The following AFDN variants were observed in gnomAD, a reference collection of about 807,000 sequenced individuals.
AFDN encodes the protein afadin.
Under a neutral mutation model 216.6 loss-of-function variants are expected in AFDN, and 68 were observed. The observed-to-expected ratio is 0.31, with a 90% confidence interval of 0.26 to 0.38. The LOEUF is 0.38. Among genes scored for constraint, AFDN ranks in the 10% least tolerant of loss-of-function variants. The probability of loss-of-function intolerance (pLI) is 1.00; values close to 1 mark genes in which losing one functional copy is unlikely to be tolerated. For missense variants in AFDN, 2,136 were observed against 2,342.0 expected, an observed-to-expected ratio of 0.91 and a Z score of 1.82; for synonymous variants, 868 against 853.7, an observed-to-expected ratio of 1.02 and a Z score of -0.29.
At position 167,969,975 on chromosome 6, in the gene AFDN, T is replaced by C. The variant is rs1032093334; in HGVS notation, c.*40T>C. ...AACACTTTGTATTTACCCCAAAATC[T>C]TTTCAGTTGTGGGTTTGTAGGTGCG... On this transcript the variant is annotated 3_prime_UTR_variant, in exon 34 of 34. Coordinates refer to ENST00000683244, the MANE Select transcript of AFDN (RefSeq NM_001386888.1). 2 of 1,551,176 alleles carry C rather than the reference T, an allele frequency of 1.3e-6. No individual in the cohort carries two copies. The highest frequency in any genetic ancestry group is 2.8e-5 in the African/African-American group (2 of 71,450).
intron 15 of AFDN, among the ~76,000 whole-genome samples, chr6:167,912,728 C>T (rs1790561139): frequency 6.6e-6 from 1 of 152,130 alleles, no homozygotes; most frequent in Non-Finnish European, 1.5e-5. Context: ...ATAGCCTTTT[C>T]CTTATTGATG....
intron 30 of AFDN, among the ~76,000 whole-genome samples, chr6:167,955,674 T>A: frequency 6.6e-6 from 1 of 152,204 alleles, no homozygotes. Context: ...ATGCTTGCAA[T>A]AAGGTTTTTG....
upstream of AFDN, chr6:167,826,600 C>A: frequency 1.9e-6 from 1 of 523,176 alleles, no homozygotes; most frequent in Non-Finnish European, 3.9e-6. Context: ...CACAGCACCA[C>A]CCATCGGACC....
At chr6:167,887,705 G>A (rs1787043174) in intron 6 of AFDN, among the ~76,000 whole-genome samples, 1 of 152,162 alleles carries the variant, frequency 6.6e-6, no homozygotes, top group African/African-American at 2.4e-5. Context: ...CAGTCCACCT[G>A]CCTTGGCCTC....
At chr6:167,963,789 T>C (rs1461012176) in intron 31 of AFDN, 2 of 1,062,248 alleles carry the variant, frequency 1.9e-6, no homozygotes, top group Admixed American at 5.4e-5. Flanking sequence ...TAAGTCAACA[T>C]TGATGATCTT....
intron 5 of AFDN, among the ~76,000 whole-genome samples, chr6:167,877,288 A>G (rs1277499253): frequency 2.0e-5 from 3 of 152,192 alleles, no homozygotes; most frequent in Non-Finnish European, 2.9e-5. Context: ...TGTTTGTCAC[A>G]TAAAGTGCTG....
At chr6:167,846,834 A>C (rs765781090) in intron 1 of AFDN, among the ~76,000 whole-genome samples, 2 of 151,922 alleles carry the variant, frequency 1.3e-5, no homozygotes, top group African/African-American at 2.4e-5. Flanking sequence ...TCATAATTAA[A>C]ACTCTGAGTT....
intron 1 of AFDN, among the ~76,000 whole-genome samples, chr6:167,845,507 C>T (rs892550250): frequency 3.3e-5 from 5 of 152,062 alleles, no homozygotes; most frequent in African/African-American, 1.2e-4. Flanking sequence ...AAGCGATTCT[C>T]CTGCCTCAGT....
chr6:167,885,795 A>G (rs1786722697), intron 6 of AFDN, among the ~76,000 whole-genome samples: 2 of 152,264 alleles, frequency 1.3e-5, no homozygotes, highest in African/African-American at 2.4e-5. Flanking sequence ...TTAAAAGAGC[A>G]ATATCCGTGA....
At chr6:167,946,608 C>A in intron 26 of AFDN, 99 bp from the exon 27 acceptor site, 1 of 1,066,960 alleles carries the variant, frequency 9.4e-7, no homozygotes, top group Non-Finnish European at 1.4e-6. Context: ...CCTTTATCAC[C>A]TTATTTCTTA....
chr6:167,904,529 G>A (rs1003132659), intron 12 of AFDN, among the ~76,000 whole-genome samples: 26 of 152,090 alleles, frequency 1.7e-4, no homozygotes, highest in Admixed American at 5.2e-4. Context: ...ATCTCTAAAG[G>A]TTTACTTGAC....
In AFDN at chr6:167,948,093, A is replaced by ATAT. The variant is rs1230714651; in HGVS notation, c.3645+150_3645+152dup. 5 of 754,830 alleles carry ATAT rather than the reference A, an allele frequency of 6.6e-6. No homozygotes were observed. The African/African-American group carries it at 8.9e-5, about 13-fold the overall frequency. The allele number at this position is 754,830 out of a possible 1,614,324, so 46.8% of individuals were successfully genotyped here. A position where few individuals can be genotyped will look rare whatever the true frequency, so the allele number is the denominator to read the frequency against. On this transcript the variant is annotated intron_variant, in intron 28 of 33. Transcript: ENST00000683244. ...GCAGTGTTTTATCTTTTGATTTTTA[A>ATAT]TATACTAGTCAGGTAAATCAGTTTT...
At position 167,962,754 on chromosome 6, in the gene AFDN, G is replaced by A; in HGVS notation, c.4968+187G>A. On this transcript the variant is annotated intron_variant, in intron 31 of 33. Transcript: ENST00000683244. This position sits in a 1 kb window ranked among gnomAD's most constrained non-coding sequence, Gnocchi z 5.2. ...ATCTGGCCCACCTACCTCTCTTCTG[G>A]ACTGTCTCCAGATCCCCTTATCTGC... The A allele has an allele frequency of 6.9e-7, 1 of 1,458,484 alleles. No homozygotes were observed. Among genetic ancestry groups the A allele is most frequent in the Non-Finnish European group, 9.0e-7 (1 of 1,109,502 alleles). 90.3% of individuals were successfully genotyped at this position (1,458,484 alleles called of 1,614,324 possible).
At chr6:167,857,214 G>C (rs144582807) in intron 1 of AFDN, among the ~76,000 whole-genome samples, 3 of 145,260 alleles carry the variant, frequency 2.1e-5, no homozygotes, top group Non-Finnish European at 3.1e-5. Context: ...AAGAGAGAGC[G>C]AGAGATAGGA....
At chr6:167,918,657 C>G in intron 20 of AFDN, 78 bp from the exon 21 acceptor site, 1 of 1,296,452 alleles carries the variant, frequency 7.7e-7, no homozygotes, top group South Asian at 1.2e-5. Flanking sequence ...AGTGAGCAGA[C>G]AGCCTTTGAA....
At chr6:167,855,133 T>C (rs1192160064) in intron 1 of AFDN, among the ~76,000 whole-genome samples, 1 of 152,126 alleles carries the variant, frequency 6.6e-6, no homozygotes, top group South Asian at 2.1e-4. Flanking sequence ...AAATTGAGTT[T>C]AGTTGACACA....
intron 13 of AFDN, among the ~76,000 whole-genome samples, chr6:167,910,571 T>C (rs1472883892): frequency 6.6e-6 from 1 of 152,200 alleles, no homozygotes; most frequent in South Asian, 2.1e-4. Context: ...TTATAAGGCA[T>C]GCGTCACTGT....
chr6:167,905,388 T>C (rs73032760), intron 12 of AFDN, among the ~76,000 whole-genome samples: 4 of 152,190 alleles, frequency 2.6e-5, no homozygotes, highest in Non-Finnish European at 5.9e-5. Flanking sequence ...GAAAACTGTC[T>C]TTATAAAAAT....
At chr6:167,952,461 T>A in intron 30 of AFDN, 1 of 985,426 alleles carries the variant, frequency 1.0e-6, no homozygotes, top group Non-Finnish European at 1.2e-6. Context: ...AATTATCCTT[T>A]TCCTTAACAC....
Sources: allele counts gnomAD v4.1 joint callset (sites outside exome capture counted in the v4.1 genomes callset), GRCh38; gene constraint gnomAD v4.1.1; non-coding constraint Gnocchi (gnomAD v3.1); transcripts MANE v1.5; gene names NCBI Gene and HGNC (gene_info 2026-07-23, HGNC 2026-07-21).